Variants in ANKS1B observed in about 807,000 individuals in gnomAD.
ANKS1B encodes the protein ankyrin repeat and sterile alpha motif domain-containing protein 1B.
A neutral mutation model predicts 148.3 loss-of-function variants in ANKS1B; 36 were observed. The observed-to-expected ratio is 0.24, with a 90% CI of 0.19 to 0.32. The LOEUF (loss-of-function observed/expected upper bound fraction) is 0.32. Among genes scored for constraint, ANKS1B ranks in the 10% least tolerant of loss-of-function variants. The pLI, the probability that ANKS1B is intolerant of heterozygous loss-of-function variation, is 1.00. For synonymous variants in ANKS1B, 542 were observed against 560.8 expected (o/e 0.97, Z 0.47); for missense variants, 1,157 against 1,542.6 (o/e 0.75, Z 4.19).
At chr12:98,773,238 C>G (rs1173476424) in intron 24 of ANKS1B, 59 bp from the exon 25 acceptor site, 3 of 1,528,186 alleles carry the variant, frequency 2.0e-6, no homozygotes, top group African/African-American at 2.8e-5. Context: ...TATATGACAA[C>G]CAAGACAAGT....
chr12:99,427,115 A>G (rs2095270620), intron 11 of ANKS1B, among the ~76,000 whole-genome samples: 1 of 152,158 alleles, frequency 6.6e-6, no homozygotes, highest in Non-Finnish European at 1.5e-5. Context: ...CAGCTACAAA[A>G]CGTCCTAATT....
chr12:99,427,845 C>A (rs955470116), intron 11 of ANKS1B, among the ~76,000 whole-genome samples: 1 of 152,024 alleles, frequency 6.6e-6, no homozygotes, highest in Non-Finnish European at 1.5e-5. Flanking sequence ...CAGAAGTTAA[C>A]CAGGTAGAGA....
At chr12:99,162,746 G>A (rs547331089) in intron 14 of ANKS1B, among the ~76,000 whole-genome samples, 228 of 152,132 alleles carry the variant, frequency 1.5e-3, no homozygotes, top group Non-Finnish European at 2.2e-3. Flanking sequence ...CTGAACCTTA[G>A]TTTGCTCATT....
intron 17 of ANKS1B, among the ~76,000 whole-genome samples, chr12:98,888,844 T>C (rs1301218064): frequency 6.6e-6 from 1 of 152,226 alleles, no homozygotes; most frequent in Admixed American, 6.5e-5. Context: ...AATGATCTTC[T>C]CCATTTATTT....
intron 17 of ANKS1B, among the ~76,000 whole-genome samples, chr12:99,022,073 A>G (rs1303136412): frequency 6.6e-6 from 1 of 152,192 alleles, no homozygotes; most frequent in Non-Finnish European, 1.5e-5. Flanking sequence ...CCTAGACAAC[A>G]TGGGAGAGAC....
intron 11 of ANKS1B, among the ~76,000 whole-genome samples, chr12:99,432,052 A>G (rs1036198500): frequency 1.3e-5 from 2 of 152,218 alleles, no homozygotes; most frequent in Non-Finnish European, 2.9e-5. Flanking sequence ...TTATAAAGCC[A>G]GACACCACTG....
chr12:99,682,797 T>C (rs937798759), intron 8 of ANKS1B, among the ~76,000 whole-genome samples: 2 of 151,602 alleles, frequency 1.3e-5, no homozygotes, highest in African/African-American at 4.9e-5. Context: ...ACAACAAAAA[T>C]ACAAAAGATA....
chr12:99,147,329 T>A (rs1416467481), intron 15 of ANKS1B, among the ~76,000 whole-genome samples: 1 of 152,118 alleles, frequency 6.6e-6, no homozygotes, highest in Non-Finnish European at 1.5e-5. Flanking sequence ...GACAGTAGCA[T>A]GTGCAAAGCC....
chr12:99,523,031 T>G (rs1487189019), intron 9 of ANKS1B, among the ~76,000 whole-genome samples: 2 of 152,218 alleles, frequency 1.3e-5, no homozygotes, highest in Non-Finnish European at 2.9e-5. Flanking sequence ...TAATGTAGTT[T>G]TTCAAATCAG....
intron 1 of ANKS1B, among the ~76,000 whole-genome samples, chr12:99,942,888 A>T (rs2094955204): frequency 6.6e-6 from 1 of 152,102 alleles, no homozygotes; most frequent in South Asian, 2.1e-4. Context: ...AATTAATTCC[A>T]CTGCTACCAA....
intron 9 of ANKS1B, among the ~76,000 whole-genome samples, chr12:99,521,846 C>T (rs2153061862): frequency 6.6e-6 from 1 of 152,292 alleles, no homozygotes; most frequent in East Asian, 1.9e-4. Context: ...CAGCACAGCA[C>T]TGGGTCTTGC....
At chr12:99,504,364 TG>T (rs1447924612) in intron 10 of ANKS1B, 111 bp downstream of exon 10, 1 of 1,095,250 alleles carries the variant, frequency 9.1e-7, no homozygotes. Flanking sequence ...GGAACTACAT[TG>T]GGGGAACTTT....
chr12:99,675,428 ATTATT>A (rs1441001375), intron 8 of ANKS1B, among the ~76,000 whole-genome samples: 3 of 152,102 alleles, frequency 2.0e-5, no homozygotes, highest in Middle Eastern at 6.8e-3. Context: ...TTGTCATTTT[ATTATT>A]TTAATATGTT....
At chr12:99,194,397 T>C (rs746032688) in intron 14 of ANKS1B, among the ~76,000 whole-genome samples, 17 of 151,992 alleles carry the variant, frequency 1.1e-4, no homozygotes, top group Non-Finnish European at 4.4e-5. Flanking sequence ...CAACTTTCTC[T>C]TACCCCTTTA....
In ANKS1B at chr12:99,637,259, C is replaced by A. The variant is rs762945826; in HGVS notation, c.1272+17808G>T. ...CCTGGGAGGCGGAGTTTGCCAAGATCGTGCCACTGCACTCCAGCTTGGGCA... is the reference window on the plus strand; with the variant it reads ...CCTGGGAGGCGGAGTTTGCCAAGATAGTGCCACTGCACTCCAGCTTGGGCA... On this transcript the variant is annotated intron_variant, in intron 9 of 26. Transcript: ENST00000683438. 2.6e-5 allele frequency among the ~76,000 whole-genome samples: 4 copies of A among 152,196 alleles called. No individual in the cohort carries two copies. In the South Asian group the frequency reaches 8.3e-4, roughly 32 times the overall value.
intron 8 of ANKS1B, among the ~76,000 whole-genome samples, chr12:99,724,377 G>A (rs546072657): frequency 1.8e-4 from 28 of 152,280 alleles, no homozygotes; most frequent in South Asian, 1.0e-3. Context: ...ATCAATAGCC[G>A]AATCAACCAA....
chr12:99,013,545 T>A (rs1181175042), intron 17 of ANKS1B, among the ~76,000 whole-genome samples: 1 of 152,192 alleles, frequency 6.6e-6, no homozygotes, highest in Non-Finnish European at 1.5e-5. Flanking sequence ...ATAAAGCGCA[T>A]CCAAACAGGA....
At chr12:99,850,250 T>G (rs2087492321) in intron 1 of ANKS1B, among the ~76,000 whole-genome samples, 1 of 142,280 alleles carries the variant, frequency 7.0e-6, no homozygotes, top group African/African-American at 2.8e-5. Context: ...TATGGTATCT[T>G]CGCATTTGAG....
chr12:99,540,315 T>C (rs1235126850), intron 9 of ANKS1B, among the ~76,000 whole-genome samples: 2 of 152,164 alleles, frequency 1.3e-5, no homozygotes, highest in Non-Finnish European at 2.9e-5. Flanking sequence ...CAAGTAGACC[T>C]AACAGACATC....
Sources: gnomAD v4.1 joint callset for allele counts (sites outside exome capture counted in the v4.1 genomes callset) on GRCh38, gnomAD v4.1.1 for gene constraint, MANE v1.5 for transcripts, NCBI Gene and HGNC (gene_info 2026-07-23, HGNC 2026-07-21) for gene names.